Variants in CD1B observed in about 807,000 individuals in gnomAD.
CD1B encodes the protein CD1b molecule.
A neutral mutation model predicts 39.8 loss-of-function variants in CD1B; 43 were observed. The observed-to-expected ratio is 1.08, with a 90% CI of 0.85 to 1.39. The LOEUF (loss-of-function observed/expected upper bound fraction) is 1.39. Among genes scored for constraint, CD1B ranks in the 40% most tolerant of loss-of-function variants. The pLI is 0.00. For synonymous variants in CD1B, 192 were observed against 152.5 expected (o/e 1.26, Z -1.91); for missense variants, 495 against 403.8 (o/e 1.23, Z -1.94).
At chr1:158,313,233 G>C in the CD1B span, among the ~76,000 whole-genome samples, 1 of 152,160 alleles carries the variant, frequency 6.6e-6, no homozygotes, top group East Asian at 1.9e-4. Flanking sequence ...TAAGTATTCT[G>C]TTAAATTTAG....
chr1:158,304,820 A>C, the CD1B span, among the ~76,000 whole-genome samples: 1,871 of 152,310 alleles, frequency 0.012, 38 homozygotes, highest in African/African-American at 0.04. Flanking sequence ...GATACCCAGG[A>C]AAACAGGGTC....
At chr1:158,291,228 G>A in the CD1B span, 1,248 of 1,614,060 alleles carry the variant, frequency 7.7e-4, 26 homozygotes, top group South Asian at 0.013. Context: ...GGCTGGACGA[G>A]TTGCAGACTC....
Position 158,330,912 on chromosome 1 carries a change from C to G in CD1B, c.212G>C (p.Trp71Ser). ...CTTATCACTAAAGTTACCTTTAGAC[C>G]AAGGCTTCAGGAATATGGCAGTGCC... The part of the protein sequence containing the change: ...DSGTAIFLKP[W>S]SKGNFSDKEV... Residue 71 changes from tryptophan (W) to serine (S), a missense_variant, in exon 2 of 6, where the codon TGG (tryptophan) becomes TCG (serine). By Grantham distance (177) the Trp-to-Ser change is radical (BLOSUM62 -3). Transcript: ENST00000368168. 6.2e-7 allele frequency: 1 copy of G among 1,613,988 alleles called. No individual in the cohort carries two copies. Among genetic ancestry groups the G allele is most frequent in the Non-Finnish European group, 8.5e-7 (1 of 1,179,932 alleles).
chr1:158,326,750 G>A (rs1652366870), downstream of CD1B, among the ~76,000 whole-genome samples: 1 of 151,902 alleles, frequency 6.6e-6, no homozygotes, highest in Non-Finnish European at 1.5e-5. Context: ...ATGAGCAAAG[G>A]ATAGTTTTTA....
chr1:158,317,606 A>G, the CD1B span, among the ~76,000 whole-genome samples: 1 of 152,094 alleles, frequency 6.6e-6, no homozygotes. Context: ...GATCCTTTCA[A>G]AAAACCAGCT....
chr1:158,314,066 C>G, the CD1B span, among the ~76,000 whole-genome samples: 1 of 151,528 alleles, frequency 6.6e-6, no homozygotes, highest in South Asian at 2.1e-4. Flanking sequence ...CTTAATTTGT[C>G]TAGTTAAAAG....
chr1:158,330,000 T>C lies in CD1B; in HGVS notation c.459A>G (p.Pro153=). 7 of 1,614,110 alleles carry C rather than the reference T, an allele frequency of 4.3e-6. No individual in the cohort carries two copies. The highest frequency in any genetic ancestry group is 5.1e-6 in the Non-Finnish European group (6 of 1,180,014). The part of the protein sequence containing the change: ...SVKNASCVPS[P]EGGSRAQKFC... ...ATTTCTGTGCCCTGCTGCCACCTTCTGGGGAAGGCACACATGAAGCATTCT... is the reference window on the plus strand; with the variant it reads ...ATTTCTGTGCCCTGCTGCCACCTTCCGGGGAAGGCACACATGAAGCATTCT... The change falls in exon 3 of 6, where the codon CCA becomes CCG. Residue 153 remains proline, a synonymous_variant. Coordinates refer to ENST00000368168, the MANE Select transcript of CD1B (RefSeq NM_001764.3).
chr1:158,292,652 C>T, the CD1B span: 1 of 1,613,548 alleles, frequency 6.2e-7, no homozygotes, highest in African/African-American at 1.3e-5. Flanking sequence ...CCAGCTGTTG[C>T]TGGTTTGTCA....
chr1:158,331,181 G>A (rs960375948), intron 1 of CD1B, 119 bp from the exon 2 acceptor site: 1 of 1,199,302 alleles, frequency 8.3e-7, no homozygotes. Flanking sequence ...AACACAGGAA[G>A]TCTGACACAT....
At chr1:158,321,592 C>T in the CD1B span, among the ~76,000 whole-genome samples, 3 of 152,144 alleles carry the variant, frequency 2.0e-5, no homozygotes, top group Admixed American at 2.0e-4. Flanking sequence ...TTCTTTTCTA[C>T]CACTCTTGCT....
At chr1:158,292,814 G>A in the CD1B span, 2 of 1,614,206 alleles carry the variant, frequency 1.2e-6, no homozygotes, top group South Asian at 2.2e-5. Flanking sequence ...GGAGCCTGCT[G>A]GCCTGTCTTG....
chr1:158,290,753 G>T, the CD1B span, among the ~76,000 whole-genome samples: 1 of 152,176 alleles, frequency 6.6e-6, no homozygotes, highest in Non-Finnish European at 1.5e-5. Context: ...CTGAGAGAAG[G>T]AAACAACTGC....
At position 158,331,471 on chromosome 1, in the gene CD1B, C is replaced by A; in HGVS notation, c.-48G>T. On this transcript the variant is annotated 5_prime_UTR_variant, in exon 1 of 6. Transcript: ENST00000368168. ...TACTGGCAGAGCTGGTATTTGATCT[C>A]CAATTTCAGCAAAGCTTTTCCTCAG... is the stretch of plus-strand genomic sequence containing the variant. 1 of 1,496,252 alleles carries A rather than the reference C, an allele frequency of 6.7e-7. No homozygotes were observed. The highest frequency in any genetic ancestry group is 9.3e-7 in the Non-Finnish European group (1 of 1,075,382). The allele number at this position is 1,496,252 out of a possible 1,614,324, so 92.7% of individuals were successfully genotyped here.
the CD1B span, among the ~76,000 whole-genome samples, chr1:158,312,388 G>A: frequency 6.6e-6 from 1 of 152,264 alleles, no homozygotes; most frequent in African/African-American, 2.4e-5. Flanking sequence ...TGACTGTGAG[G>A]CCACCCCAGC....
the CD1B span, among the ~76,000 whole-genome samples, chr1:158,299,868 C>A: frequency 1.3e-5 from 2 of 151,896 alleles, no homozygotes; most frequent in East Asian, 3.9e-4. Context: ...CTATATGATT[C>A]TTCTCTCTTT....
downstream of CD1B, among the ~76,000 whole-genome samples, chr1:158,324,631 T>C (rs1652286325): frequency 6.6e-6 from 1 of 152,144 alleles, no homozygotes; most frequent in African/African-American, 2.4e-5. Flanking sequence ...TGTGATGATA[T>C]TTATCCTCAA....
chr1:158,292,066 A>C, the CD1B span: 4 of 1,594,196 alleles, frequency 2.5e-6, no homozygotes, highest in African/African-American at 2.7e-5. Context: ...TCTTTTTCTC[A>C]TTCCTCCCTT....
chr1:158,318,091 T>C, the CD1B span, among the ~76,000 whole-genome samples: 4 of 152,224 alleles, frequency 2.6e-5, no homozygotes, highest in South Asian at 2.1e-4. Flanking sequence ...AACTATGTGA[T>C]CAATTTTGGA....
the CD1B span, among the ~76,000 whole-genome samples, chr1:158,316,774 G>A: frequency 6.6e-6 from 1 of 151,690 alleles, no homozygotes; most frequent in African/African-American, 2.4e-5. Context: ...TGCCCATTCA[G>A]TATGATATTG....
Sources: allele counts gnomAD v4.1 joint callset (sites outside exome capture counted in the v4.1 genomes callset), GRCh38; gene constraint gnomAD v4.1.1; transcripts MANE v1.5; gene names NCBI Gene and HGNC (gene_info 2026-07-23, HGNC 2026-07-21).